The following POTEC variants were observed in gnomAD, a reference collection of about 807,000 sequenced individuals.
POTEC encodes POTE ankyrin domain family member C.
POTEC carries 35 observed loss-of-function variants against 62.0 expected under a neutral mutation model. The observed-to-expected ratio is 0.56, with a 90% confidence interval of 0.43 to 0.75. The LOEUF is 0.75. Among genes scored for constraint, POTEC ranks in the 30% least tolerant of loss-of-function variants. The pLI, the probability that POTEC is intolerant of heterozygous loss-of-function variation, is 0.00. For synonymous variants in POTEC, 156 were observed against 221.5 expected, an observed-to-expected ratio of 0.70 and a Z score of 2.62; for missense variants, 472 against 655.9, an observed-to-expected ratio of 0.72 and a Z score of 3.06.
chr18:14,522,505 G>A, intron 8 of POTEC, 85 bp from the exon 9 acceptor site: 1 of 1,529,834 alleles, frequency 6.5e-7, no homozygotes, highest in Admixed American at 2.2e-5. Context: ...AATTGACTCA[G>A]TTTGCCATTA....
At chr18:14,525,414 T>C (rs978898622) in intron 6 of POTEC, among the ~76,000 whole-genome samples, 2 of 152,106 alleles carry the variant, frequency 1.3e-5, no homozygotes, top group African/African-American at 4.8e-5. Context: ...GGTTACCCTG[T>C]CTGAGAAGCC....
intron 7 of POTEC, among the ~76,000 whole-genome samples, chr18:14,524,181 T>TG (rs1216396293): frequency 1.3e-5 from 2 of 152,200 alleles, no homozygotes; most frequent in African/African-American, 4.8e-5. Flanking sequence ...TAATCTGTAC[T>TG]GATTTTCTGC....
Sources: allele counts gnomAD v4.1 joint callset (sites outside exome capture counted in the v4.1 genomes callset), GRCh38; gene constraint gnomAD v4.1.1; transcripts MANE v1.5; gene names NCBI Gene and HGNC (gene_info 2026-07-23, HGNC 2026-07-21).